Variants in RBM4B observed in about 807,000 individuals in gnomAD.
RBM4B encodes the protein RNA binding motif protein 4B.
RBM4B carries 13 observed loss-of-function variants against 28.5 expected under a neutral mutation model. That is an observed-to-expected ratio of 0.46 (90% CI 0.30 to 0.72). The LOEUF is 0.72. RBM4B is among the 30% of genes least tolerant of loss of function. The pLI is 0.09. For missense variants in RBM4B, 387 were observed against 477.6 expected, an observed-to-expected ratio of 0.81 and a Z score of 1.77; for synonymous variants, 167 against 179.1, an observed-to-expected ratio of 0.93 and a Z score of 0.54.
Position 66,665,031 on chromosome 11 carries a change from T to C in RBM4B, c.*557A>G, listed in dbSNP as rs1203823012. ...TTAGAAACATTTATTTGTCAAAAAATTTTTTTAAAAAAGGGAGGAGTGGAG... is the reference window on the plus strand; with the variant it reads ...TTAGAAACATTTATTTGTCAAAAAACTTTTTTAAAAAAGGGAGGAGTGGAG... On this transcript the variant is annotated 3_prime_UTR_variant, in exon 4 of 4. Transcript: ENST00000310046. 1 of 152,348 alleles carries C rather than the reference T, an allele frequency of 6.6e-6. No individual in the cohort carries two copies. Among genetic ancestry groups the C allele is most frequent in the African/African-American group, 2.4e-5 (1 of 41,426 alleles). 9.4% of individuals were successfully genotyped at this position (152,348 alleles called of 1,614,324 possible).
At chr11:66,666,253 A>G (rs1939228237) in intron 3 of RBM4B, 5 of 1,002,546 alleles carry the variant, frequency 5.0e-6, no homozygotes, top group South Asian at 5.9e-5. Context: ...TGGCTGGGGG[A>G]AAAAAAAAGT....
At chr11:66,675,018 G>C (rs1367545410) in intron 2 of RBM4B, among the ~76,000 whole-genome samples, 3 of 152,162 alleles carry the variant, frequency 2.0e-5, no homozygotes, top group African/African-American at 7.2e-5. Context: ...TGTCCATCAT[G>C]ATGATTTCCC....
At chr11:66,670,732 T>C (rs951693784) in intron 2 of RBM4B, among the ~76,000 whole-genome samples, 1 of 150,714 alleles carries the variant, frequency 6.6e-6, no homozygotes, top group Non-Finnish European at 1.5e-5. Context: ...CGCTTGAACC[T>C]GGGAGGTGGA....
chr11:66,666,239 C>T lies in RBM4B; in HGVS notation c.*10-661G>A, dbSNP rs978903670. 3.1e-6 allele frequency: 3 copies of T among 981,554 alleles called. No homozygotes were observed. The African/African-American group carries it at 5.1e-5, about 17-fold the overall frequency. The allele number at this position is 981,554 out of a possible 1,614,324, so 60.8% of individuals were successfully genotyped here. Reference sequence around the variant, plus strand: ...CTATTGATGATGGGAACTCCAGACACCAATGGCTGGGGGAAAAAAAAAGTT... The same window carrying T: ...CTATTGATGATGGGAACTCCAGACATCAATGGCTGGGGGAAAAAAAAAGTT... On this transcript the variant is annotated intron_variant, in intron 3 of 3. Transcript: ENST00000310046.
intron 3 of RBM4B, 187 bp downstream of exon 3, chr11:66,668,428 A>G (rs1939327277): frequency 1.8e-6 from 1 of 557,524 alleles, no homozygotes; most frequent in Non-Finnish European, 3.2e-6. Flanking sequence ...GGAGTCATAC[A>G]CTAACACCTT....
intron 1 of RBM4B, 93 bp from the exon 2 acceptor site, chr11:66,677,184 C>G: frequency 7.0e-7 from 1 of 1,435,142 alleles, no homozygotes; most frequent in South Asian, 1.3e-5. Context: ...AAAGTTCTTG[C>G]ACCTTCAAGA....
intron 2 of RBM4B, among the ~76,000 whole-genome samples, chr11:66,669,673 C>T (rs1344398497): frequency 5.3e-5 from 8 of 152,154 alleles, no homozygotes; most frequent in Non-Finnish European, 1.5e-5. Flanking sequence ...CTCAAACTCC[C>T]GACCTTGGGT....
At chr11:66,676,497 A>T in intron 2 of RBM4B, 171 bp downstream of exon 2, 1 of 752,960 alleles carries the variant, frequency 1.3e-6, no homozygotes, top group Admixed American at 3.0e-5. Context: ...GAAAAGGGGA[A>T]GTGTTTGCTT....
chr11:66,666,440 G>C, intron 3 of RBM4B: 1 of 987,752 alleles, frequency 1.0e-6, no homozygotes, highest in South Asian at 4.7e-5. Flanking sequence ...ATTAACATCA[G>C]GCTCCTGGGA....
chr11:66,672,489 T>C (rs1042737989), intron 2 of RBM4B, among the ~76,000 whole-genome samples: 6 of 147,500 alleles, frequency 4.1e-5, no homozygotes, highest in Admixed American at 6.7e-5. Flanking sequence ...TTTTAATTTA[T>C]TTTTATTAAT....
chr11:66,669,328 C>A, intron 2 of RBM4B, 37 bp from the exon 3 acceptor site: 1 of 1,580,346 alleles, frequency 6.3e-7, no homozygotes, highest in South Asian at 1.1e-5. Context: ...TATTTTAACT[C>A]ACTTGACATT....
intron 3 of RBM4B, chr11:66,666,264 T>G (rs1270377905): frequency 1.4e-5 from 16 of 1,126,006 alleles, no homozygotes; most frequent in Non-Finnish European, 1.8e-5. Flanking sequence ...AAAAAAAAGT[T>G]AACTCACACC....
rs1424032992 is a variant in RBM4B, at chr11:66,669,295, G to C, written c.413-4C>G. 1 of 1,611,250 alleles carries C rather than the reference G, an allele frequency of 6.2e-7. No individual in the cohort carries two copies. Among genetic ancestry groups the C allele is most frequent in the Admixed American group, 1.7e-5 (1 of 59,914 alleles). On this transcript the variant is annotated splice_region_variant and splice_polypyrimidine_tract_variant and intron_variant, in intron 2 of 3. Coordinates refer to ENST00000310046, the MANE Select transcript of RBM4B (RefSeq NM_031492.4). ...AACTGCACATGCATTCTTTTGCCTT[G>C]AGGGAACAGATGTAAGAAGATTTAT...
rs755577377 is a variant in RBM4B, at chr11:66,676,630, C to A, written c.412+38G>T. ...TGTTCTTGCCTGTTTTGAGCTAGAC[C>A]CCACTCGGCGCTACTACCCAGGCCC... On this transcript the variant is annotated intron_variant, in intron 2 of 3. Coordinates refer to ENST00000310046, the MANE Select transcript of RBM4B (RefSeq NM_031492.4). 8 of 1,604,822 alleles carry A rather than the reference C, an allele frequency of 5.0e-6. No homozygotes were observed. In the East Asian group the frequency reaches 1.8e-4, roughly 36 times the overall value.
intron 3 of RBM4B, chr11:66,668,340 A>C (rs988942393): frequency 5.5e-6 from 2 of 361,292 alleles, no homozygotes; most frequent in South Asian, 5.9e-5. Context: ...CTGTAACCCA[A>C]ATATGCTTAC....
intron 3 of RBM4B, chr11:66,668,141 T>C: frequency 6.2e-6 from 1 of 162,054 alleles, no homozygotes; most frequent in East Asian, 1.7e-4. Flanking sequence ...CGAGTATGGG[T>C]TTTGGTATCA....
At chr11:66,673,536 T>C (rs943319717) in intron 2 of RBM4B, among the ~76,000 whole-genome samples, 1 of 152,240 alleles carries the variant, frequency 6.6e-6, no homozygotes, top group African/African-American at 2.4e-5. Context: ...CTTGACTCAC[T>C]GCAACCTCCG....
chr11:66,669,453 T>G (rs1267890061), intron 2 of RBM4B, among the ~76,000 whole-genome samples, 162 bp from the exon 3 acceptor site: 1 of 141,936 alleles, frequency 7.0e-6, no homozygotes, highest in East Asian at 2.0e-4. Flanking sequence ...AGTTTTTTTG[T>G]TTTTTTTTTT....
At chr11:66,669,387 C>T in intron 2 of RBM4B, 96 bp from the exon 3 acceptor site, 1 of 1,141,796 alleles carries the variant, frequency 8.8e-7, no homozygotes, top group South Asian at 1.4e-5. Flanking sequence ...TCATAAGACA[C>T]ATAGACGCAC....
Sources: allele counts gnomAD v4.1 joint callset (sites outside exome capture counted in the v4.1 genomes callset), GRCh38; gene constraint gnomAD v4.1.1; transcripts MANE v1.5; gene names NCBI Gene and HGNC (gene_info 2026-07-23, HGNC 2026-07-21).